ZNF345: variants seen among roughly 807,000 people sequenced by gnomAD.
ZNF345 encodes zinc finger protein 345.
For synonymous variants in ZNF345, 166 were observed against 187.9 expected, an observed-to-expected ratio of 0.88 and a Z score of 0.95; for missense variants, 527 against 589.9, an observed-to-expected ratio of 0.89 and a Z score of 1.10.
chr19:36,891,880 G>A, intron 3 of ZNF345: 1 of 1,613,996 alleles, frequency 6.2e-7, no homozygotes, highest in Non-Finnish European at 8.5e-7. Context: ...TTGAGTAAAG[G>A]CTTTCCCACA....
At chr19:36,856,091 C>G (rs2072412914) in intron 2 of ZNF345, among the ~76,000 whole-genome samples, 1 of 152,198 alleles carries the variant, frequency 6.6e-6, no homozygotes. Flanking sequence ...TAATACACAT[C>G]AGGTGTTGAG....
rs1395490169 is a variant in ZNF345 at position 36,879,426 on chromosome 19, AAGGTGTGATTATGCTATACTATAACC to A, written c.*1132_*1157del. ...TACTATCTCTCATTGTTTTGGAAACAAGGTGTGATTATGCTATACTATAACCAGCCCTTAATATTTTTTGTCTGTAA... is the reference window on the plus strand; with the variant it reads ...TACTATCTCTCATTGTTTTGGAAACAAGCCCTTAATATTTTTTGTCTGTAA... On this transcript the variant is annotated 3_prime_UTR_variant, in exon 3 of 3. Transcript: ENST00000420450. 6.0e-6 allele frequency: 1 copy of A among 167,076 alleles called. No homozygotes were observed. The highest frequency in any genetic ancestry group is 2.4e-5 in the African/African-American group (1 of 41,466). The allele number at this position is 167,076 out of a possible 1,614,324, so 10.3% of individuals were successfully genotyped here.
chr19:36,864,686 A>G (rs528528088), intron 2 of ZNF345, among the ~76,000 whole-genome samples: 4 of 152,200 alleles, frequency 2.6e-5, no homozygotes, highest in African/African-American at 9.6e-5. Flanking sequence ...GACTAAGATG[A>G]GGCAAGTGAG....
At chr19:36,893,099 T>A (rs531426273), downstream of ZNF345, 5 of 397,780 alleles carry the variant, frequency 1.3e-5, no homozygotes, top group African/African-American at 1.0e-4. Flanking sequence ...AAAGGACTGT[T>A]AAGAATAACA....
chr19:36,865,064 A>G (rs2072630820), intron 2 of ZNF345, among the ~76,000 whole-genome samples: 1 of 152,108 alleles, frequency 6.6e-6, no homozygotes, highest in African/African-American at 2.4e-5. Flanking sequence ...AAGCTGCTTG[A>G]CTGAGGAAGC....
intron 3 of ZNF345, chr19:36,891,587 G>C: frequency 6.2e-7 from 1 of 1,613,676 alleles, no homozygotes; most frequent in Middle Eastern, 1.7e-4. Context: ...TCACCAGTGT[G>C]AATTCTCTGA....
At chr19:36,865,249 TC>T (rs2072634964) in intron 2 of ZNF345, among the ~76,000 whole-genome samples, 1 of 152,174 alleles carries the variant, frequency 6.6e-6, no homozygotes, top group Non-Finnish European at 1.5e-5. Flanking sequence ...TTAACATTGT[TC>T]TGGCAAGGAA....
At chr19:36,874,179 A>G (rs1198395275) in intron 2 of ZNF345, among the ~76,000 whole-genome samples, 1 of 152,096 alleles carries the variant, frequency 6.6e-6, no homozygotes, top group African/African-American at 2.4e-5. Flanking sequence ...TTGATTGGTC[A>G]TTGTTTATCT....
chr19:36,860,009 G>GT (rs2072513006), intron 2 of ZNF345, among the ~76,000 whole-genome samples: 1 of 152,040 alleles, frequency 6.6e-6, no homozygotes, highest in African/African-American at 2.4e-5. Context: ...CCAGGCTGGA[G>GT]TGCAGGGGCG....
At chr19:36,874,372 C>T (rs2072835510) in intron 2 of ZNF345, among the ~76,000 whole-genome samples, 1 of 151,756 alleles carries the variant, frequency 6.6e-6, no homozygotes, top group African/African-American at 2.4e-5. Flanking sequence ...TGGGCACCTG[C>T]AATCCCAGCT....
At chr19:36,865,575 C>G (rs2072642211) in intron 2 of ZNF345, among the ~76,000 whole-genome samples, 1 of 152,154 alleles carries the variant, frequency 6.6e-6, no homozygotes, top group Non-Finnish European at 1.5e-5. Context: ...ATTCTCCTGC[C>G]TCAGTCTCCC....
Position 36,878,245 on chromosome 19 carries a change from A to G in ZNF345, c.1415A>G (p.His472Arg). The change falls in exon 3 of 3, where the codon CAT (histidine) becomes CGT (arginine). Residue 472 changes from histidine to arginine, a missense_variant. His to Arg is a conservative substitution (Grantham distance 29). Coordinates refer to ENST00000420450, the MANE Select transcript of ZNF345 (RefSeq NM_001242472.2). The part of the protein sequence containing the change: ...AYGRDSEFQQ[H>R]KKSHNGKKLC... ...GGGAGGGATTCAGAGTTTCAGCAAC[A>G]TAAGAAAAGTCATAATGGTAAGAAA... The G allele has an allele frequency of 6.2e-7, 1 of 1,603,638 alleles. No individual in the cohort carries two copies. Among genetic ancestry groups the G allele is most frequent in the Non-Finnish European group, 8.5e-7 (1 of 1,176,978 alleles).
At chr19:36,862,663 CA>C (rs753670661) in intron 2 of ZNF345, among the ~76,000 whole-genome samples, 791 of 39,960 alleles carry the variant, frequency 0.02, 1 homozygote, top group African/African-American at 0.047. Context: ...GACCCAGTCT[CA>C]AAAAAAAAAA....
chr19:36,890,927 A>G (rs1412153557), intron 3 of ZNF345: 1 of 152,258 alleles, frequency 6.6e-6, no homozygotes, highest in African/African-American at 2.4e-5. Context: ...ATATTAGACA[A>G]AATCATTCTA....
intron 2 of ZNF345, among the ~76,000 whole-genome samples, chr19:36,862,409 T>A (rs1185276244): frequency 6.6e-6 from 1 of 151,330 alleles, no homozygotes; most frequent in African/African-American, 2.4e-5. Context: ...ACACCTGTAA[T>A]CCCAGCACTT....
intron 1 of ZNF345, 39 bp from the exon 2 acceptor site, chr19:36,851,791 A>G (rs1315280649): frequency 6.6e-6 from 1 of 152,290 alleles, no homozygotes; most frequent in Non-Finnish European, 1.5e-5. Flanking sequence ...TCCCTCTCAG[A>G]AGAACCTGAT....
chr19:36,885,007 G>A lies in ZNF345; in HGVS notation c.47-7811G>A, dbSNP rs561181195. Among the ~76,000 whole-genome samples, 19 of 152,202 alleles carry A rather than the reference G, an allele frequency of 1.2e-4. No individual in the cohort carries two copies. The South Asian group carries it at 3.7e-3, about 30-fold the overall frequency. Reference sequence around the variant, plus strand: ...TTCTATTGGCAGTATACTTCAGAATGGAATTGCTGAGTCAGAGATAGGCTA... The same window carrying A: ...TTCTATTGGCAGTATACTTCAGAATAGAATTGCTGAGTCAGAGATAGGCTA... On this transcript the variant is annotated intron_variant, in intron 3 of 3. Transcript: ENST00000526123.
chr19:36,860,544 G>T (rs1482714884), intron 2 of ZNF345, among the ~76,000 whole-genome samples: 1 of 152,050 alleles, frequency 6.6e-6, no homozygotes, highest in Non-Finnish European at 1.5e-5. Context: ...TGGAATTTTT[G>T]AAGAGGAGAA....
intron 3 of ZNF345, among the ~76,000 whole-genome samples, chr19:36,885,646 C>T (rs1241286650): frequency 6.6e-6 from 1 of 151,980 alleles, no homozygotes; most frequent in Non-Finnish European, 1.5e-5. Context: ...CTTTATTTCA[C>T]CACTCACATC....
Sources: allele counts gnomAD v4.1 joint callset (sites outside exome capture counted in the v4.1 genomes callset), GRCh38; gene constraint gnomAD v4.1.1; transcripts MANE v1.5; gene names NCBI Gene and HGNC (gene_info 2026-07-23, HGNC 2026-07-21).